APC: variants seen among roughly 807,000 people sequenced by gnomAD.
APC encodes adenomatous polyposis coli protein.
Under a neutral mutation model 247.0 loss-of-function variants are expected in APC, and 72 were observed. That is an observed-to-expected ratio of 0.29 (90% confidence interval 0.24 to 0.35). The LOEUF is 0.35. Among genes scored for constraint, APC ranks in the 10% least tolerant of loss-of-function variants. The pLI is 1.00. For missense variants in APC, 3,400 were observed against 3,360.7 expected, an observed-to-expected ratio of 1.01 and a Z score of -0.29; for synonymous variants, 1,254 against 1,162.5, an observed-to-expected ratio of 1.08 and a Z score of -1.60.
At chr5:112,773,525 A>G (rs974562977) in intron 4 of APC, among the ~76,000 whole-genome samples, 5 of 152,202 alleles carry the variant, frequency 3.3e-5, no homozygotes, top group African/African-American at 4.8e-5. Context: ...TTGCCTGTCT[A>G]TTGACCTGAA....
chr5:112,730,392 G>A (rs1345160821), intron 1 of APC, among the ~76,000 whole-genome samples: 1 of 152,230 alleles, frequency 6.6e-6, no homozygotes, highest in Admixed American at 6.5e-5. Flanking sequence ...CATGGAGGAT[G>A]AGGCAATATA....
intron 1 of APC, among the ~76,000 whole-genome samples, chr5:112,720,511 A>T (rs1473726115): frequency 6.6e-6 from 1 of 152,174 alleles, no homozygotes; most frequent in African/African-American, 2.4e-5. Context: ...CTCCCGTCCT[A>T]CCCATCTCCT....
intron 1 of APC, among the ~76,000 whole-genome samples, chr5:112,746,651 A>G (rs1346402240): frequency 1.3e-5 from 2 of 152,218 alleles, no homozygotes; most frequent in Non-Finnish European, 2.9e-5. Context: ...ACTACTAACA[A>G]AAACTTTAAA....
intron 2 of APC, among the ~76,000 whole-genome samples, chr5:112,759,429 C>G (rs1052339577): frequency 7.0e-6 from 1 of 143,468 alleles, no homozygotes; most frequent in Non-Finnish European, 1.5e-5. Context: ...ATGATCTTGG[C>G]TGTCTGCAAC....
At chr5:112,835,838 G>A (rs962181598) in intron 15 of APC, among the ~76,000 whole-genome samples, 5 of 151,792 alleles carry the variant, frequency 3.3e-5, no homozygotes, top group Non-Finnish European at 7.4e-5. Context: ...CTCCCTAAGT[G>A]CTGGGATTAC....
Position 112,843,813 on chromosome 5 carries a change from C to T in APC, c.8219C>T (p.Pro2740Leu), listed in dbSNP as rs1580691275. 6.2e-7 allele frequency: 1 copy of T among 1,614,002 alleles called. No individual in the cohort carries two copies. Among genetic ancestry groups the T allele is most frequent in the African/African-American group, 1.3e-5 (1 of 74,984 alleles). ...APDQKGTEIK[P>L]GQNNPVPVSE... ...GACCAAAAAGGAACTGAGATAAAAC[C>T]AGGACAAAATAATCCTGTCCCTGTA... Residue 2740 changes from proline to leucine, a missense_variant, in exon 16 of 16, where the codon CCA becomes CTA. Transcript: ENST00000257430. This position sits in a 1 kb window ranked among gnomAD's most constrained non-coding sequence, Gnocchi z 4.8.
intron 9 of APC, 111 bp from the exon 10 acceptor site, chr5:112,818,855 G>GGGTGTTTTGTTTTTTTT: frequency 2.7e-6 from 3 of 1,118,286 alleles, no homozygotes; most frequent in East Asian, 2.6e-5. Flanking sequence ...GGCGGGGGGG[G>GGGTGTTTTGTTTTTTTT]TTGTTTTGTT....
At chr5:112,715,024 C>T (rs1278714250) in intron 1 of APC, among the ~76,000 whole-genome samples, 1 of 152,148 alleles carries the variant, frequency 6.6e-6, no homozygotes, top group Non-Finnish European at 1.5e-5. Flanking sequence ...TTAAGAACGC[C>T]TCATTCCTTC....
chr5:112,716,015 CT>C (rs532825949), intron 1 of APC, among the ~76,000 whole-genome samples: 15 of 151,998 alleles, frequency 9.9e-5, no homozygotes, highest in Non-Finnish European at 1.9e-4. Flanking sequence ...TTTCCTTTTC[CT>C]TATTAGTTTC....
rs1752690734 is a variant in APC, at chr5:112,739,211, CTTG to C, written c.-19+1287_-19+1289del. Among the ~76,000 whole-genome samples the C allele has an allele frequency of 2.0e-5, 3 of 152,214 alleles. No individual in the cohort carries two copies. In the South Asian group the frequency reaches 6.2e-4, roughly 32 times the overall value. On this transcript the variant is annotated intron_variant, in intron 1 of 15. Coordinates refer to ENST00000257430, the MANE Select transcript of APC (RefSeq NM_000038.6). Reference sequence around the variant, plus strand: ...TTAGTGAGTACTCATGAGATATACTCTTGATATAAAGTGTTTTTCATTGAGCTT... The same window carrying C: ...TTAGTGAGTACTCATGAGATATACTCATATAAAGTGTTTTTCATTGAGCTT...
chr5:112,717,298 A>G (rs1751227656), intron 1 of APC, among the ~76,000 whole-genome samples: 1 of 152,058 alleles, frequency 6.6e-6, no homozygotes, highest in Non-Finnish European at 1.5e-5. Context: ...CCCTACTCAT[A>G]CAGTTTTGTT....
chr5:112,841,874 C>A lies in APC; in HGVS notation c.6280C>A (p.Pro2094Thr), dbSNP rs775447624. 1 of 1,613,892 alleles carries A rather than the reference C, an allele frequency of 6.2e-7. No homozygotes were observed. Among genetic ancestry groups the A allele is most frequent in the South Asian group, 1.1e-5 (1 of 91,072 alleles). Residue 2094 changes from proline (P) to threonine (T), a missense_variant, in exon 16 of 16, where the codon CCT becomes ACT. Pro to Thr is a conservative substitution (Grantham distance 38). This residue lies in a region of APC where 1,788 missense variants were observed against 1,649.5 expected (regional missense o/e 1.08). Coordinates refer to ENST00000257430, the MANE Select transcript of APC (RefSeq NM_000038.6). This position sits in a 1 kb window ranked among gnomAD's most constrained non-coding sequence, Gnocchi z 4.6. The stretch of plus-strand genomic sequence containing the variant: ...ACCAGATTCAGAACATGGTCTATCC[C>A]CTGATTCAGAAAATTTTGATTGGAA... ...QRPDSEHGLSPDSENFDWKAI... is the reference protein window; with the variant it reads ...QRPDSEHGLSTDSENFDWKAI...
rs541661102 is a variant in APC at position 112,782,279 on chromosome 5, G to A, written c.645+1376G>A. Among the ~76,000 whole-genome samples the A allele has an allele frequency of 2.4e-4, 37 of 152,182 alleles. 1 individual carries two copies. In the South Asian group the frequency reaches 2.7e-3, roughly 11 times the overall value. On this transcript the variant is annotated intron_variant, in intron 6 of 15. Transcript: ENST00000257430. Reference sequence around the variant, plus strand: ...ATTTACTATCACAAGAACAGCACAGGAGAGACCCACCCCCATAATTTAATT... The same window carrying A: ...ATTTACTATCACAAGAACAGCACAGAAGAGACCCACCCCCATAATTTAATT...
At position 112,765,938 on chromosome 5, in the gene APC, A is replaced by G. The variant is rs537851381; in HGVS notation, c.136-388A>G. Among the ~76,000 whole-genome samples, 151 of 150,540 alleles carry G rather than the reference A, an allele frequency of 1.0e-3. No homozygotes were observed. The Middle Eastern group carries it at 0.01, about 10-fold the overall frequency. On this transcript the variant is annotated intron_variant, in intron 2 of 15. Coordinates refer to ENST00000257430, the MANE Select transcript of APC (RefSeq NM_000038.6). ...TGTTAATTTGGTGTTTTTTATGGTC[A>G]TGTTGGTGCACGCTTAAGAGACATG...
At position 112,838,216 on chromosome 5, in the gene APC, A is replaced by G. The variant is rs1765225650; in HGVS notation, c.2622A>G (p.Ser874=). ...CAACAGAAAATCCAGGAACTTCTTC[A>G]AAGCGAGGTTTGCAGATCTCCACCA... ...HPATENPGTS[S]KRGLQISTTA... The change falls in exon 16 of 16, where the codon TCA becomes TCG. Residue 874 remains serine (S), a synonymous_variant. Coordinates refer to ENST00000257430, the MANE Select transcript of APC (RefSeq NM_000038.6). 4 of 1,614,138 alleles carry G rather than the reference A, an allele frequency of 2.5e-6. No individual in the cohort carries two copies. The highest frequency in any genetic ancestry group is 3.4e-6 in the Non-Finnish European group (4 of 1,180,010).
Position 112,756,228 on chromosome 5 carries a change from C to A in APC, c.135+1203C>A, listed in dbSNP as rs188489207. On this transcript the variant is annotated intron_variant, in intron 2 of 15. Transcript: ENST00000257430. ...CACAGCTCAACCTTTGCTCATGTGT[C>A]CTATTCTCTTTTTCCATCCCTCTAT... is the stretch of plus-strand genomic sequence containing the variant. Among the ~76,000 whole-genome samples the A allele has an allele frequency of 7.2e-5, 11 of 152,254 alleles. No individual in the cohort carries two copies. In the East Asian group the frequency reaches 2.1e-3, roughly 29 times the overall value.
At chr5:112,740,380 A>G (rs994913873) in intron 1 of APC, among the ~76,000 whole-genome samples, 1 of 152,076 alleles carries the variant, frequency 6.6e-6, no homozygotes, top group African/African-American at 2.4e-5. Context: ...TGACTGACCT[A>G]TTGGCTTTAG....
intron 2 of APC, among the ~76,000 whole-genome samples, chr5:112,762,588 A>G (rs1242375733): frequency 1.3e-5 from 2 of 152,254 alleles, no homozygotes; most frequent in African/African-American, 2.4e-5. Flanking sequence ...AAAGTGAGAC[A>G]CAAAATACTT....
intron 15 of APC, among the ~76,000 whole-genome samples, chr5:112,837,338 C>CA (rs1489367376): frequency 1.3e-5 from 2 of 152,088 alleles, no homozygotes; most frequent in South Asian, 2.1e-4. Flanking sequence ...GTAGAATTGA[C>CA]AAAAAATAAC....
Sources: gnomAD v4.1 joint callset for allele counts (sites outside exome capture counted in the v4.1 genomes callset) on GRCh38, gnomAD v4.1.1 for gene constraint, gnomAD v4.1.1 regional missense constraint, Gnocchi (gnomAD v3.1) non-coding constraint, MANE v1.5 for transcripts, NCBI Gene and HGNC (gene_info 2026-07-23, HGNC 2026-07-21) for gene names.